Variants in DOCK1 observed in about 807,000 individuals in gnomAD.
DOCK1 encodes dedicator of cytokinesis 1.
A neutral mutation model predicts 262.7 loss-of-function variants in DOCK1; 138 were observed. That is an observed-to-expected ratio of 0.53 (90% confidence interval 0.46 to 0.61). The LOEUF is 0.61. Among genes scored for constraint, DOCK1 ranks in the 20% least tolerant of loss-of-function variants. DOCK1 has a pLI of 0.00. For synonymous variants in DOCK1, 866 were observed against 867.4 expected (o/e 1.00, Z 0.03); for missense variants, 1,908 against 2,370.7 (o/e 0.80, Z 4.05).
In DOCK1 at chr10:127,418,445, C is replaced by A; in HGVS notation, c.4596C>A (p.His1532Gln). 1 of 1,614,044 alleles carries A rather than the reference C, an allele frequency of 6.2e-7. No individual in the cohort carries two copies. Among genetic ancestry groups the A allele is most frequent in the East Asian group, 2.2e-5 (1 of 44,838 alleles). Residue 1532 changes from histidine (H) to glutamine (Q), a missense_variant, in exon 45 of 52, where the codon CAC (histidine) becomes CAA (glutamine). Transcript: ENST00000623213. ...AGATCAACAGCATGGTGCAGCAGCA[C>A]CTGGATGACCCCAGCCTGCCCATCA... ...NDKINSMVQQ[H>Q]LDDPSLPINP...
chr10:127,053,918 T>C (rs150580702), intron 22 of DOCK1, among the ~76,000 whole-genome samples: 151 of 152,316 alleles, frequency 9.9e-4, no homozygotes, highest in African/African-American at 3.4e-3. Flanking sequence ...TGACCTGCCA[T>C]GAGTGATGTC....
In DOCK1 at chr10:126,982,714, A is replaced by G. The variant is rs534502084; in HGVS notation, c.227+741A>G. 2.6e-5 allele frequency among the ~76,000 whole-genome samples: 4 copies of G among 152,354 alleles called. No homozygotes were observed. The East Asian group carries it at 7.7e-4, about 29-fold the overall frequency. ...ATATGAAAAGAACCGTTCGGGTTCC[A>G]TAGTTCCATGATGCATACTTAAAAT... On this transcript the variant is annotated intron_variant, in intron 4 of 51. Transcript: ENST00000623213.
intron 44 of DOCK1, among the ~76,000 whole-genome samples, chr10:127,417,118 T>C (rs1223073386): frequency 6.6e-6 from 1 of 152,210 alleles, no homozygotes; most frequent in Non-Finnish European, 1.5e-5. Flanking sequence ...CTAGAGGCTG[T>C]AGCAGGAAGA....
Position 127,052,727 on chromosome 10 carries a change from C to G in DOCK1, c.2248C>G (p.Pro750Ala). The change falls in exon 22 of 52, where the codon CCG becomes GCG. Residue 750 changes from proline (P) to alanine (A), a missense_variant. By Grantham distance (27) the Pro-to-Ala change is conservative. Coordinates refer to ENST00000623213, the MANE Select transcript of DOCK1 (RefSeq NM_001290223.2). ...LKNYVDGAEK[P>A]GVNEQLYKAM... ...GAACTACGTGGACGGTGCTGAGAAG[C>G]CGGGAGTAAATGAGCAGCTGTACAA... 1.2e-6 allele frequency: 2 copies of G among 1,613,868 alleles called. No homozygotes were observed. The highest frequency in any genetic ancestry group is 1.7e-6 in the Non-Finnish European group (2 of 1,179,864).
rs558709728 is a variant in DOCK1, at chr10:127,165,149, A to C, written c.2847+37385A>C. Among the ~76,000 whole-genome samples the C allele has an allele frequency of 5.3e-5, 8 of 152,338 alleles. No homozygotes were observed. The South Asian group carries it at 1.5e-3, about 28-fold the overall frequency. ...TACTGTCACAGAGGTTCGAATTTGAAAGCATTAATGTTGTCATTTTTTGCC... is the reference window on the plus strand; with the variant it reads ...TACTGTCACAGAGGTTCGAATTTGACAGCATTAATGTTGTCATTTTTTGCC... On this transcript the variant is annotated intron_variant, in intron 27 of 51. Transcript: ENST00000623213.
rs2040339733 is a variant in DOCK1 at position 126,998,104 on chromosome 10, A to G, written c.622A>G (p.Asn208Asp). Residue 208 changes from asparagine (N) to aspartate (D), a missense_variant, in exon 8 of 52, where the codon AAC (asparagine) becomes GAC (aspartate). Asn to Asp is a conservative substitution (Grantham distance 23). Around this residue, in one of 9 missense-constraint regions of DOCK1, gnomAD observed 227 missense variants for 254.1 expected, o/e 0.89. Coordinates refer to ENST00000623213, the MANE Select transcript of DOCK1 (RefSeq NM_001290223.2). The stretch of plus-strand genomic sequence containing the variant: ...CTTCCATACACAGTCTCAAAAGCAG[A>G]ACATAGATATTAACAGACAAGCCAA... ...RLQEEKSQKQ[N>D]IDINRQAKFA... is the part of the protein sequence containing the mutation. The G allele has an allele frequency of 1.2e-6, 2 of 1,614,046 alleles. No individual in the cohort carries two copies. Among genetic ancestry groups the G allele is most frequent in the Non-Finnish European group, 1.7e-6 (2 of 1,179,902 alleles).
chr10:127,327,692 T>A (rs2062802776), intron 29 of DOCK1, among the ~76,000 whole-genome samples: 1 of 152,212 alleles, frequency 6.6e-6, no homozygotes, highest in Non-Finnish European at 1.5e-5. Flanking sequence ...ATCTCTTGTA[T>A]CTTTACCATG....
intron 23 of DOCK1, among the ~76,000 whole-genome samples, chr10:127,072,863 G>C (rs1591907024): frequency 6.6e-6 from 1 of 152,166 alleles, no homozygotes; most frequent in African/African-American, 2.4e-5. Flanking sequence ...CTTAATAGCT[G>C]ACTCATTGAT....
intron 27 of DOCK1, among the ~76,000 whole-genome samples, chr10:127,233,641 A>G (rs567236706): frequency 1.3e-5 from 2 of 152,344 alleles, no homozygotes; most frequent in South Asian, 4.1e-4. Context: ...GAGCACTCCC[A>G]ATAGAATGTG....
intron 27 of DOCK1, among the ~76,000 whole-genome samples, chr10:127,182,809 G>A (rs1482796563): frequency 6.6e-6 from 1 of 152,034 alleles, no homozygotes; most frequent in Non-Finnish European, 1.5e-5. Flanking sequence ...GACAGAGTGT[G>A]AGACAGGAGG....
intron 1 of DOCK1, among the ~76,000 whole-genome samples, chr10:126,946,750 C>A (rs919465230): frequency 7.2e-5 from 11 of 152,206 alleles, no homozygotes; most frequent in Non-Finnish European, 1.3e-4. Flanking sequence ...GTCAACACTT[C>A]CTTGCTCTGA....
At position 126,953,563 on chromosome 10, in the gene DOCK1, G is replaced by A. The variant is rs1466900683; in HGVS notation, c.47-17139G>A. 3.3e-5 allele frequency among the ~76,000 whole-genome samples: 5 copies of A among 152,272 alleles called. No individual in the cohort carries two copies. The South Asian group carries it at 6.2e-4, about 19-fold the overall frequency. ...GTGGTGGTGGTAGTATTGTTAATCA[G>A]TGGTGATGGCAGGGGAGGTGCTGGT... On this transcript the variant is annotated intron_variant, in intron 1 of 51. Transcript: ENST00000623213.
At chr10:127,302,063 C>G (rs1358224646) in intron 29 of DOCK1, among the ~76,000 whole-genome samples, 1 of 152,040 alleles carries the variant, frequency 6.6e-6, no homozygotes, top group Non-Finnish European at 1.5e-5. Flanking sequence ...CCTCTGTGGC[C>G]AGCCTCAGGA....
intron 46 of DOCK1, among the ~76,000 whole-genome samples, chr10:127,425,327 A>T (rs1385922097): frequency 6.6e-6 from 1 of 152,020 alleles, no homozygotes; most frequent in South Asian, 2.1e-4. Context: ...CTTCATCTCC[A>T]CTCTCGGAAG....
At chr10:127,412,917 T>G (rs1170254702) in intron 43 of DOCK1, among the ~76,000 whole-genome samples, 7 of 152,232 alleles carry the variant, frequency 4.6e-5, no homozygotes, top group Admixed American at 3.3e-4. Flanking sequence ...CCCTATTTGT[T>G]GGTGAACCCA....
chr10:127,107,107 C>G (rs957146551), intron 24 of DOCK1, among the ~76,000 whole-genome samples: 3 of 152,152 alleles, frequency 2.0e-5, no homozygotes, highest in African/African-American at 7.2e-5. Flanking sequence ...CCGACGTGCG[C>G]CACCGCTCCC....
chr10:126,928,599 C>T (rs1401510908), intron 1 of DOCK1, among the ~76,000 whole-genome samples: 4 of 151,836 alleles, frequency 2.6e-5, no homozygotes, highest in African/African-American at 9.7e-5. Context: ...TGAACTTGCC[C>T]AGTATTCTTA....
intron 27 of DOCK1, among the ~76,000 whole-genome samples, chr10:127,180,734 A>G (rs2055645581): frequency 6.6e-6 from 1 of 152,234 alleles, no homozygotes; most frequent in Non-Finnish European, 1.5e-5. Context: ...ACAGTTAAGT[A>G]AATTATGGTT....
At chr10:127,151,878 A>G (rs1482716353) in intron 27 of DOCK1, among the ~76,000 whole-genome samples, 1 of 152,200 alleles carries the variant, frequency 6.6e-6, no homozygotes, top group Non-Finnish European at 1.5e-5. Context: ...CACTCGAGTC[A>G]TTCCTGAAAG....
Sources: gnomAD v4.1 joint callset for allele counts (sites outside exome capture counted in the v4.1 genomes callset) on GRCh38, gnomAD v4.1.1 for gene constraint, gnomAD v4.1.1 regional missense constraint, MANE v1.5 for transcripts, NCBI Gene and HGNC (gene_info 2026-07-23, HGNC 2026-07-21) for gene names.